The following DNER variants were observed in gnomAD, a reference collection of about 807,000 sequenced individuals.
DNER encodes delta/notch like EGF repeat containing, also known as delta and Notch-like epidermal growth factor-related receptor.
DNER carries 33 observed loss-of-function variants against 78.2 expected under a neutral mutation model. The observed-to-expected ratio is 0.42, with a 90% confidence interval of 0.32 to 0.56. The LOEUF (loss-of-function observed/expected upper bound fraction) is 0.56, where lower values mean the gene tolerates loss of function less well. DNER is among the 20% of genes least tolerant of loss of function. DNER has a pLI of 0.11. For missense variants in DNER, 918 were observed against 975.3 expected (o/e 0.94, Z 0.78); for synonymous variants, 417 against 384.8 (o/e 1.08, Z -0.98).
intron 7 of DNER, among the ~76,000 whole-genome samples, chr2:229,474,940 C>A (rs1695000478): frequency 6.6e-6 from 1 of 152,226 alleles, no homozygotes; most frequent in Admixed American, 6.5e-5. Context: ...AAACTTTTCT[C>A]CTTATTCCCA....
chr2:229,481,444 G>A (rs532185465), intron 6 of DNER, among the ~76,000 whole-genome samples: 19 of 152,260 alleles, frequency 1.2e-4, no homozygotes, highest in African/African-American at 4.6e-4. Flanking sequence ...TCAAATACCA[G>A]CGAGTGACTC....
intron 4 of DNER, among the ~76,000 whole-genome samples, chr2:229,583,663 A>C (rs921448676): frequency 3.3e-5 from 5 of 152,250 alleles, no homozygotes; most frequent in Admixed American, 2.6e-4. Context: ...TACCAAACAG[A>C]AAAACTTAAA....
intron 1 of DNER, among the ~76,000 whole-genome samples, chr2:229,614,366 C>T (rs952689014): frequency 2.0e-5 from 3 of 152,192 alleles, no homozygotes; most frequent in Middle Eastern, 3.4e-3. Context: ...TCTAAAAATT[C>T]AAGATCCATC....
intron 1 of DNER, among the ~76,000 whole-genome samples, chr2:229,648,355 T>A (rs1448793557): frequency 6.6e-6 from 1 of 152,234 alleles, no homozygotes; most frequent in Admixed American, 6.5e-5. Flanking sequence ...CTCCATGATT[T>A]TGAATCATCT....
chr2:229,564,320 C>T (rs1401750834), intron 4 of DNER, among the ~76,000 whole-genome samples: 2 of 150,358 alleles, frequency 1.3e-5, no homozygotes, highest in Non-Finnish European at 3.0e-5. Context: ...TCACCATCAT[C>T]ATCTTCCTCA....
intron 11 of DNER, among the ~76,000 whole-genome samples, chr2:229,380,596 T>A (rs1345286712): frequency 1.3e-5 from 2 of 152,134 alleles, no homozygotes; most frequent in African/African-American, 2.4e-5. Flanking sequence ...GACAATACCT[T>A]TCAAAGTTGA....
At chr2:229,571,048 G>C (rs1048872208) in intron 4 of DNER, among the ~76,000 whole-genome samples, 1 of 152,154 alleles carries the variant, frequency 6.6e-6, no homozygotes, top group African/African-American at 2.4e-5. Flanking sequence ...AGGGGCCTGG[G>C]GTGAAGCGGG....
At chr2:229,472,103 G>A (rs890558746) in intron 7 of DNER, among the ~76,000 whole-genome samples, 1 of 152,186 alleles carries the variant, frequency 6.6e-6, no homozygotes, top group African/African-American at 2.4e-5. Flanking sequence ...TGTAATACTT[G>A]ACTTCATAAT....
chr2:229,381,572 G>A (rs1347574091), intron 11 of DNER, among the ~76,000 whole-genome samples: 1 of 152,146 alleles, frequency 6.6e-6, no homozygotes, highest in Non-Finnish European at 1.5e-5. Flanking sequence ...GTCGACCTGG[G>A]ACACTGAAGC....
intron 4 of DNER, among the ~76,000 whole-genome samples, chr2:229,564,698 CCAT>C (rs1697067177): frequency 6.6e-6 from 1 of 151,770 alleles, no homozygotes; most frequent in South Asian, 2.1e-4. Context: ...CACCCCATCA[CCAT>C]CATCATCAAC....
At chr2:229,691,420 G>T (rs934593748) in intron 1 of DNER, among the ~76,000 whole-genome samples, 2 of 152,032 alleles carry the variant, frequency 1.3e-5, no homozygotes, top group African/African-American at 4.8e-5. Context: ...CTAAATGAGG[G>T]GAGATTAATC....
At chr2:229,660,748 GATCAGTCT>G (rs1471153065) in intron 1 of DNER, among the ~76,000 whole-genome samples, 1 of 152,128 alleles carries the variant, frequency 6.6e-6, no homozygotes. Flanking sequence ...AAAATGCAGT[GATCAGTCT>G]ATCTCTTAGT....
intron 4 of DNER, among the ~76,000 whole-genome samples, chr2:229,548,314 T>C (rs1165839773): frequency 6.6e-6 from 1 of 152,200 alleles, no homozygotes; most frequent in East Asian, 1.9e-4. Context: ...GTGGCACTAT[T>C]CACAATAGCA....
At chr2:229,551,628 C>T (rs1012342998) in intron 4 of DNER, among the ~76,000 whole-genome samples, 25 of 148,306 alleles carry the variant, frequency 1.7e-4, no homozygotes, top group African/African-American at 6.2e-4. Flanking sequence ...GAGTGAAACC[C>T]CGTTTAAAAA....
chr2:229,670,775 A>G (rs1484595692), intron 1 of DNER, among the ~76,000 whole-genome samples: 3 of 152,238 alleles, frequency 2.0e-5, no homozygotes, highest in African/African-American at 7.2e-5. Flanking sequence ...CAGCCAATGC[A>G]GCTACAGAGC....
chr2:229,661,581 A>T (rs1322726799), intron 1 of DNER, among the ~76,000 whole-genome samples: 1 of 152,236 alleles, frequency 6.6e-6, no homozygotes, highest in Non-Finnish European at 1.5e-5. Context: ...AGTAAGAAGG[A>T]TAACCAAGTT....
intron 11 of DNER, among the ~76,000 whole-genome samples, chr2:229,377,143 TTTATA>T (rs1464984745): frequency 1.3e-5 from 2 of 152,174 alleles, no homozygotes; most frequent in Admixed American, 1.3e-4. Context: ...TTCATTAACC[TTTATA>T]TTCCAGAACT....
intron 7 of DNER, among the ~76,000 whole-genome samples, chr2:229,463,151 C>T (rs186597292): frequency 6.6e-6 from 1 of 152,168 alleles, no homozygotes; most frequent in East Asian, 1.9e-4. Context: ...GGAGGAGGAA[C>T]CAGGTTCTTT....
intron 1 of DNER, among the ~76,000 whole-genome samples, chr2:229,694,365 G>A (rs984513185): frequency 6.6e-6 from 1 of 152,246 alleles, no homozygotes; most frequent in African/African-American, 2.4e-5. Context: ...GCCTAGTGGA[G>A]CTGTGAGAAG....
Sources: allele counts gnomAD v4.1 joint callset (sites outside exome capture counted in the v4.1 genomes callset), GRCh38; gene constraint gnomAD v4.1.1; transcripts MANE v1.5; gene names NCBI Gene and HGNC (gene_info 2026-07-23, HGNC 2026-07-21).